Variants in DCAF10 observed in about 807,000 individuals in gnomAD.
DCAF10 encodes DDB1 and CUL4 associated factor 10.
In DCAF10, 19 loss-of-function variants were observed where a neutral mutation model predicts 51.9. The observed-to-expected ratio is 0.37, with a 90% CI of 0.26 to 0.54. DCAF10 has a LOEUF of 0.54. Among genes scored for constraint, DCAF10 ranks in the 20% least tolerant of loss-of-function variants. The pLI is 0.87. For missense variants in DCAF10, 510 were observed against 730.6 expected (o/e 0.70, Z 3.48); for synonymous variants, 291 against 297.1 (o/e 0.98, Z 0.21).
chr9:37,811,294 T>C (rs887556573), intron 1 of DCAF10, among the ~76,000 whole-genome samples: 27 of 116,126 alleles, frequency 2.3e-4, no homozygotes, highest in African/African-American at 6.7e-4. Flanking sequence ...ATCACATCAC[T>C]ACACTTCAGC....
At chr9:37,820,128 TA>T (rs1273183146) in intron 2 of DCAF10, among the ~76,000 whole-genome samples, 1 of 152,250 alleles carries the variant, frequency 6.6e-6, no homozygotes, top group Non-Finnish European at 1.5e-5. Flanking sequence ...TTATTACTTT[TA>T]ATTTTCTAAA....
intron 2 of DCAF10, among the ~76,000 whole-genome samples, chr9:37,839,070 T>TC (rs1396068491): frequency 2.0e-5 from 3 of 152,010 alleles, no homozygotes; most frequent in African/African-American, 7.3e-5. Flanking sequence ...TTTTTCTTTT[T>TC]TTTGAGACGG....
intron 2 of DCAF10, among the ~76,000 whole-genome samples, chr9:37,825,475 GA>G (rs1413156045): frequency 6.6e-6 from 1 of 152,188 alleles, no homozygotes; most frequent in African/African-American, 2.4e-5. Context: ...TGCAGGAACA[GA>G]AAACCAAATA....
chr9:37,816,659 G>GGGGGGTGTGTGT (rs372664140), intron 1 of DCAF10, among the ~76,000 whole-genome samples: 59 of 144,984 alleles, frequency 4.1e-4, no homozygotes, highest in Middle Eastern at 3.6e-3. Flanking sequence ...CTGCACCTGG[G>GGGGGGTGTGTGT]GTGTGTGTGT....
chr9:37,822,384 T>C (rs914826905), intron 2 of DCAF10, among the ~76,000 whole-genome samples: 8 of 137,102 alleles, frequency 5.8e-5, no homozygotes, highest in Admixed American at 1.5e-4. Context: ...CATTAATCAA[T>C]GAATGGATAA....
At chr9:37,859,676 C>G (rs1331849960) in intron 5 of DCAF10, among the ~76,000 whole-genome samples, 1 of 152,170 alleles carries the variant, frequency 6.6e-6, no homozygotes, top group Non-Finnish European at 1.5e-5. Context: ...AGAATTGTTA[C>G]CTTTTACCTT....
At chr9:37,807,017 T>C (rs1829134689) in intron 1 of DCAF10, among the ~76,000 whole-genome samples, 1 of 152,210 alleles carries the variant, frequency 6.6e-6, no homozygotes, top group African/African-American at 2.4e-5. Context: ...TATCAATAAA[T>C]TATTTTTGTG....
intron 5 of DCAF10, among the ~76,000 whole-genome samples, chr9:37,859,452 T>A (rs986559815): frequency 3.3e-5 from 5 of 152,204 alleles, no homozygotes; most frequent in African/African-American, 1.2e-4. Context: ...TGATGAGGCA[T>A]AGTAGAGTCT....
At chr9:37,811,094 C>A (rs1275783952) in intron 1 of DCAF10, among the ~76,000 whole-genome samples, 1 of 151,992 alleles carries the variant, frequency 6.6e-6, no homozygotes, top group Non-Finnish European at 1.5e-5. Context: ...CTTTGGGAGG[C>A]TGAGGAGGGA....
chr9:37,860,475 C>G (rs1830982202), intron 6 of DCAF10: 1 of 299,516 alleles, frequency 3.3e-6, no homozygotes, highest in Non-Finnish European at 6.2e-6. Context: ...TTAAATCTTG[C>G]CTCTTTCATC....
chr9:37,821,104 T>TATACAC (rs61079738), intron 2 of DCAF10, among the ~76,000 whole-genome samples: 23 of 132,390 alleles, frequency 1.7e-4, no homozygotes, highest in South Asian at 9.8e-4. Context: ...TATATATATA[T>TATACAC]ACACACACAC....
intron 1 of DCAF10, among the ~76,000 whole-genome samples, chr9:37,815,602 G>A (rs1463568080): frequency 1.3e-5 from 2 of 151,644 alleles, no homozygotes; most frequent in South Asian, 2.1e-4. Context: ...CTGAGATCAC[G>A]CCATTGCACC....
rs1831105886 is a variant in DCAF10 at position 37,864,897 on chromosome 9, A to G, written c.*3389A>G. ...AGCCCCAATTTAATTTGGAGGTAAT[A>G]GTGGGTCAGAAAGATTAAATGACTT... On this transcript the variant is annotated 3_prime_UTR_variant, in exon 7 of 7. Transcript: ENST00000377724. 6.6e-6 allele frequency: 1 copy of G among 152,164 alleles called. No homozygotes were observed. The highest frequency in any genetic ancestry group is 1.5e-5 in the Non-Finnish European group (1 of 68,036). 9.4% of individuals were successfully genotyped at this position (152,164 alleles called of 1,614,324 possible).
At position 37,866,522 on chromosome 9, in the gene DCAF10, A is replaced by G. The variant is rs1163130961; in HGVS notation, c.*5014A>G. 1 of 152,230 alleles carries G rather than the reference A, an allele frequency of 6.6e-6. No homozygotes were observed. Among genetic ancestry groups the G allele is most frequent in the Non-Finnish European group, 1.5e-5 (1 of 68,040 alleles). 9.4% of individuals were successfully genotyped at this position (152,230 alleles called of 1,614,324 possible). On this transcript the variant is annotated 3_prime_UTR_variant, in exon 7 of 7. Coordinates refer to ENST00000377724, the MANE Select transcript of DCAF10 (RefSeq NM_024345.5). ...CTATGTCTTCTCCCACACTATCAAT[A>G]TGCCTGCTTCTAACAGGCTCCCCAC...
chr9:37,831,893 A>T (rs1018936088), intron 2 of DCAF10, among the ~76,000 whole-genome samples: 14 of 151,994 alleles, frequency 9.2e-5, no homozygotes, highest in Non-Finnish European at 1.8e-4. Flanking sequence ...GGCTGTAGTG[A>T]CCCGAGATTG....
intron 1 of DCAF10, among the ~76,000 whole-genome samples, chr9:37,806,938 A>C (rs1829131909): frequency 6.6e-6 from 1 of 152,212 alleles, no homozygotes; most frequent in African/African-American, 2.4e-5. Flanking sequence ...ACCTTGGTGT[A>C]TGCTGTTAAC....
rs1831019330 is a variant in DCAF10, at chr9:37,861,609, G to A, written c.*101G>A. 1 of 1,494,320 alleles carries A rather than the reference G, an allele frequency of 6.7e-7. No homozygotes were observed. Among genetic ancestry groups the A allele is most frequent in the Non-Finnish European group, 8.9e-7 (1 of 1,122,354 alleles). 92.6% of individuals were successfully genotyped at this position (1,494,320 alleles called of 1,614,324 possible). On this transcript the variant is annotated 3_prime_UTR_variant, in exon 7 of 7. Transcript: ENST00000377724. This position sits in a 1 kb window ranked among gnomAD's most constrained non-coding sequence, Gnocchi z 4.9. ...TTTTTAGAAGATCTTATAAGTTTGG[G>A]TCAAGATCCTGGTTCTTATGGGTCC...
rs570680112 is a variant in DCAF10, at chr9:37,863,234, G to C, written c.*1726G>C. 6.8e-6 allele frequency: 1 copy of C among 147,282 alleles called. No individual in the cohort carries two copies. The allele number at this position is 147,282 out of a possible 1,614,324, so 9.1% of individuals were successfully genotyped here. A position where few individuals can be genotyped will look rare whatever the true frequency, so the allele number is the denominator to read the frequency against. ...CCAGCTACCCAGGAGGCTGAGGCAA[G>C]AGAATCACTTGAACCCGGGAGGCAG... On this transcript the variant is annotated 3_prime_UTR_variant, in exon 7 of 7. Coordinates refer to ENST00000377724, the MANE Select transcript of DCAF10 (RefSeq NM_024345.5).
chr9:37,834,609 A>C (rs1830097640), intron 2 of DCAF10, among the ~76,000 whole-genome samples: 1 of 152,194 alleles, frequency 6.6e-6, no homozygotes, highest in Admixed American at 6.5e-5. Context: ...GCCTACAGCA[A>C]TATAACCCCA....
Sources: allele counts gnomAD v4.1 joint callset (sites outside exome capture counted in the v4.1 genomes callset), GRCh38; gene constraint gnomAD v4.1.1; non-coding constraint Gnocchi (gnomAD v3.1); transcripts MANE v1.5; gene names NCBI Gene and HGNC (gene_info 2026-07-23, HGNC 2026-07-21).